The following TAFA1 variants were observed in gnomAD, a reference collection of about 807,000 sequenced individuals.
TAFA1 encodes chemokine-like protein TAFA-1.
TAFA1 carries 4 observed loss-of-function variants against 18.5 expected under a neutral mutation model. That is an observed-to-expected ratio of 0.22 (90% confidence interval 0.11 to 0.49). The LOEUF (loss-of-function observed/expected upper bound fraction) is 0.49, where lower values mean the gene tolerates loss of function less well. TAFA1 is among the 20% of genes least tolerant of loss of function. The pLI is 0.98. For missense variants in TAFA1, 147 were observed against 169.0 expected (o/e 0.87, Z 0.72); for synonymous variants, 56 against 55.2 (o/e 1.01, Z -0.06).
chr3:68,531,769 AC>A (rs1436274721), intron 3 of TAFA1, among the ~76,000 whole-genome samples: 1 of 151,978 alleles, frequency 6.6e-6, no homozygotes, highest in African/African-American at 2.4e-5. Flanking sequence ...TTTTAGAGAG[AC>A]AGTTTAACAA....
At chr3:68,017,112 A>G (rs567784310) in intron 2 of TAFA1, among the ~76,000 whole-genome samples, 1 of 152,372 alleles carries the variant, frequency 6.6e-6, no homozygotes, top group East Asian at 1.9e-4. Flanking sequence ...AAGTATAAAT[A>G]AATCAATAAA....
chr3:68,370,494 A>ATGTG lies in TAFA1; in HGVS notation c.119-46785_119-46784insGTGT, dbSNP rs1559637876. Among the ~76,000 whole-genome samples, 8 of 81,244 alleles carry ATGTG rather than the reference A, an allele frequency of 9.8e-5. 1 individual carries two copies. The East Asian group carries it at 1.8e-3, about 18-fold the overall frequency. The allele number at this position is 81,244 out of a possible 152,430, so 53.3% of individuals were successfully genotyped here. ...TGTGTATATATATATATATATATAT[A>ATGTG]TATATATATATATATATATATACCC... is the stretch of plus-strand genomic sequence containing the variant. On this transcript the variant is annotated intron_variant, in intron 2 of 4. Coordinates refer to ENST00000478136, the MANE Select transcript of TAFA1 (RefSeq NM_213609.4).
intron 2 of TAFA1, among the ~76,000 whole-genome samples, chr3:68,067,312 A>C (rs1162817163): frequency 6.6e-6 from 1 of 152,032 alleles, no homozygotes; most frequent in Non-Finnish European, 1.5e-5. Context: ...AAACACTCCC[A>C]TTCCTTCATC....
At position 68,231,510 on chromosome 3, in the gene TAFA1, G is replaced by A. The variant is rs566831396; in HGVS notation, c.119-185770G>A. On this transcript the variant is annotated intron_variant, in intron 2 of 4. Coordinates refer to ENST00000478136, the MANE Select transcript of TAFA1 (RefSeq NM_213609.4). ...CAAGTAGCTGGGACTACAGGCGCCC[G>A]CCACCGCGCCCGGCTAATTTTTTGT... Among the ~76,000 whole-genome samples, 12 of 150,666 alleles carry A rather than the reference G, an allele frequency of 8.0e-5. 1 individual carries two copies. The South Asian group carries it at 1.7e-3, about 21-fold the overall frequency.
At chr3:68,069,358 T>C (rs2064723047) in intron 2 of TAFA1, among the ~76,000 whole-genome samples, 1 of 152,146 alleles carries the variant, frequency 6.6e-6, no homozygotes, top group African/African-American at 2.4e-5. Context: ...AAGTCCCCCT[T>C]ATAGAACCAT....
intron 3 of TAFA1, among the ~76,000 whole-genome samples, chr3:68,420,766 C>G (rs962785841): frequency 6.6e-6 from 1 of 152,072 alleles, no homozygotes; most frequent in Non-Finnish European, 1.5e-5. Flanking sequence ...GAAGAATTCT[C>G]GAGCTCAAAA....
chr3:68,344,326 A>G (rs1031761328), intron 2 of TAFA1, among the ~76,000 whole-genome samples: 8 of 152,224 alleles, frequency 5.3e-5, no homozygotes, highest in South Asian at 2.1e-4. Context: ...GTGAAAAACT[A>G]CTGGGACACT....
intron 2 of TAFA1, among the ~76,000 whole-genome samples, chr3:68,118,267 C>T (rs1360253467): frequency 6.6e-6 from 1 of 152,126 alleles, no homozygotes; most frequent in Non-Finnish European, 1.5e-5. Flanking sequence ...GAGCACACAA[C>T]CTAGATCCCT....
intron 3 of TAFA1, among the ~76,000 whole-genome samples, chr3:68,491,360 T>C (rs1245396510): frequency 1.3e-5 from 2 of 152,006 alleles, no homozygotes; most frequent in Non-Finnish European, 2.9e-5. Flanking sequence ...TATGTAGCCA[T>C]AAAAAATGAT....
chr3:68,071,702 C>T lies in TAFA1; in HGVS notation c.118+64958C>T, dbSNP rs189411764. ...ACACCAGAGGCTGGATAATTTTTAA[C>T]GAAAAAAGATTTAATTGGCTCATGG... On this transcript the variant is annotated intron_variant, in intron 2 of 4. Coordinates refer to ENST00000478136, the MANE Select transcript of TAFA1 (RefSeq NM_213609.4). 1.0e-3 allele frequency among the ~76,000 whole-genome samples: 155 copies of T among 152,094 alleles called. 1 individual carries two copies. Among genetic ancestry groups the T allele is most frequent in the African/African-American group, 1.2e-3 (51 of 41,490 alleles).
At chr3:68,346,993 G>A (rs966494882) in intron 2 of TAFA1, among the ~76,000 whole-genome samples, 3 of 147,302 alleles carry the variant, frequency 2.0e-5, no homozygotes, top group Non-Finnish European at 3.1e-5. Context: ...CCTTTTCTCA[G>A]AAGGTTCTTT....
In TAFA1 at chr3:68,165,149, C is replaced by T. The variant is rs878884823; in HGVS notation, c.118+158405C>T. ...TGATGTTTTGTGCATGGAGAACTAT[C>T]GACTGCTGGAATTTTAGAATCTCAC... On this transcript the variant is annotated intron_variant, in intron 2 of 4. Transcript: ENST00000478136. Among the ~76,000 whole-genome samples, 12 of 152,164 alleles carry T rather than the reference C, an allele frequency of 7.9e-5. No homozygotes were observed. The South Asian group carries it at 1.2e-3, about 16-fold the overall frequency.
intron 3 of TAFA1, among the ~76,000 whole-genome samples, chr3:68,463,868 T>G (rs2071832699): frequency 6.6e-6 from 1 of 152,162 alleles, no homozygotes; most frequent in South Asian, 2.1e-4. Context: ...ACAGCCATCT[T>G]GAGTAAAATG....
chr3:68,456,672 A>G (rs375189647), intron 3 of TAFA1, among the ~76,000 whole-genome samples: 5 of 152,294 alleles, frequency 3.3e-5, no homozygotes, highest in African/African-American at 9.6e-5. Context: ...TCTTATAGCA[A>G]TCTTGCACCC....
rs573264261 is a variant in TAFA1, at chr3:68,412,926, G to C, written c.119-4354G>C. On this transcript the variant is annotated intron_variant, in intron 2 of 4. Transcript: ENST00000478136. ...ATGGCTGGGTCAAATGGTATTTCTA[G>C]TTCTAGATCCCTGAGGAATTGCCAC... 7.6e-4 allele frequency among the ~76,000 whole-genome samples: 116 copies of C among 151,698 alleles called. 2 individuals are homozygous for C. In the East Asian group the frequency reaches 0.022, roughly 28 times the overall value.
intron 3 of TAFA1, among the ~76,000 whole-genome samples, chr3:68,489,152 C>T (rs1261616280): frequency 1.3e-5 from 2 of 152,130 alleles, no homozygotes; most frequent in African/African-American, 4.8e-5. Flanking sequence ...AACTCAAAGG[C>T]TTTGCTTTTC....
At chr3:68,486,690 T>C (rs1276652528) in intron 3 of TAFA1, among the ~76,000 whole-genome samples, 2 of 152,240 alleles carry the variant, frequency 1.3e-5, no homozygotes, top group Admixed American at 1.3e-4. Flanking sequence ...CCTCTGGGTC[T>C]GCGAAAAGAA....
Position 68,330,678 on chromosome 3 carries a change from G to A in TAFA1, c.119-86602G>A, listed in dbSNP as rs1206966902. 2.0e-5 allele frequency among the ~76,000 whole-genome samples: 3 copies of A among 152,184 alleles called. No homozygotes were observed. The East Asian group carries it at 5.8e-4, about 29-fold the overall frequency. On this transcript the variant is annotated intron_variant, in intron 2 of 4. Coordinates refer to ENST00000478136, the MANE Select transcript of TAFA1 (RefSeq NM_213609.4). ...TTGCCTTGGGTCACATAACTAGTAGGTGGTAGAACTGGGATTGGAATCAGA... is the reference window on the plus strand; with the variant it reads ...TTGCCTTGGGTCACATAACTAGTAGATGGTAGAACTGGGATTGGAATCAGA...
At chr3:68,331,846 C>G (rs1185107257) in intron 2 of TAFA1, among the ~76,000 whole-genome samples, 2 of 108,422 alleles carry the variant, frequency 1.8e-5, no homozygotes, top group Non-Finnish European at 3.9e-5. Context: ...AAAGGATAGT[C>G]TTTTCTTTTC....
Sources: gnomAD v4.1 joint callset for allele counts (sites outside exome capture counted in the v4.1 genomes callset) on GRCh38, gnomAD v4.1.1 for gene constraint, MANE v1.5 for transcripts, NCBI Gene and HGNC (gene_info 2026-07-23, HGNC 2026-07-21) for gene names.